FAM167A: variants seen among roughly 807,000 people sequenced by gnomAD.
FAM167A encodes protein FAM167A.
A neutral mutation model predicts 14.9 loss-of-function variants in FAM167A; 23 were observed. That is an observed-to-expected ratio of 1.55 (90% CI 1.11 to 2.19). The LOEUF is 2.19. Ranked by LOEUF, FAM167A falls within the 30% of genes most tolerant of loss-of-function variation. FAM167A has a pLI of 0.00. For missense variants in FAM167A, 401 were observed against 281.5 expected (o/e 1.42, Z -3.04); for synonymous variants, 174 against 117.7 (o/e 1.48, Z -3.10).
At chr8:11,438,182 C>G (rs1290927924) in intron 2 of FAM167A, 1 of 454,278 alleles carries the variant, frequency 2.2e-6, no homozygotes, top group Admixed American at 2.4e-5. Context: ...CCTCTCTCAG[C>G]CCCGGAATCG....
chr8:11,438,822 T>TGGGACGAGGAATTCTCTTG (rs1026835939), intron 2 of FAM167A, among the ~76,000 whole-genome samples: 3 of 152,246 alleles, frequency 2.0e-5, no homozygotes, highest in African/African-American at 7.2e-5. Flanking sequence ...GAACAGAGGC[T>TGGGACGAGGAATTCTCTTG]GGGACGAGGA....
intron 1 of FAM167A, among the ~76,000 whole-genome samples, chr8:11,447,322 C>A (rs1029576186): frequency 1.3e-5 from 2 of 152,116 alleles, no homozygotes; most frequent in African/African-American, 4.8e-5. Context: ...GCTGGGGTTA[C>A]AGGCAGCTGC....
At chr8:11,437,789 A>G (rs1275929038) in intron 2 of FAM167A, among the ~76,000 whole-genome samples, 9 of 152,206 alleles carry the variant, frequency 5.9e-5, no homozygotes, top group Admixed American at 5.9e-4. Flanking sequence ...AATTGAGTTT[A>G]TTATTATAGA....
chr8:11,435,225 G>A (rs527862212), intron 2 of FAM167A: 7 of 425,914 alleles, frequency 1.6e-5, no homozygotes, highest in Non-Finnish European at 2.9e-5. Flanking sequence ...TTCTCCACCT[G>A]TCACCCTTCA....
chr8:11,443,294 C>T (rs554019159), intron 2 of FAM167A, among the ~76,000 whole-genome samples: 65 of 152,360 alleles, frequency 4.3e-4, no homozygotes, highest in African/African-American at 1.4e-3. Context: ...TCACCATGCA[C>T]AAAAGATGCT....
At chr8:11,456,799 G>T (rs1439211230) in intron 1 of FAM167A, among the ~76,000 whole-genome samples, 1 of 149,016 alleles carries the variant, frequency 6.7e-6, no homozygotes, top group East Asian at 2.0e-4. Context: ...GCTAAGGGAA[G>T]TGAGTGGGGC....
chr8:11,471,783 C>G (rs914754665), upstream of FAM167A, among the ~76,000 whole-genome samples: 1 of 152,126 alleles, frequency 6.6e-6, no homozygotes, highest in African/African-American at 2.4e-5. Context: ...GACCTAGGGC[C>G]CAGGGATCTC....
In FAM167A at chr8:11,421,925, G is replaced by A. The variant is rs1342003053; in HGVS notation, c.*2448C>T. On this transcript the variant is annotated 3_prime_UTR_variant, in exon 3 of 3. Transcript: ENST00000284486. The stretch of plus-strand genomic sequence containing the variant: ...CAAAGCTGAATTAATGTGGTTAGTT[G>A]TGTTCACTGTGCAAAGTAAGGAAGC... 2.5e-6 allele frequency: 1 copy of A among 398,122 alleles called. No individual in the cohort carries two copies. The highest frequency in any genetic ancestry group is 2.1e-5 in the African/African-American group (1 of 48,606). 24.7% of individuals were successfully genotyped at this position (398,122 alleles called of 1,614,324 possible). A position where few individuals can be genotyped will look rare whatever the true frequency, so the allele number is the denominator to read the frequency against.
At chr8:11,471,857 G>A (rs969091677), upstream of FAM167A, among the ~76,000 whole-genome samples, 3 of 152,136 alleles carry the variant, frequency 2.0e-5, no homozygotes, top group Non-Finnish European at 4.4e-5. Flanking sequence ...TTTGGATGAA[G>A]GCTGCGCTCT....
At chr8:11,435,448 C>T (rs1035317798) in intron 2 of FAM167A, among the ~76,000 whole-genome samples, 3 of 152,242 alleles carry the variant, frequency 2.0e-5, no homozygotes, top group African/African-American at 7.2e-5. Context: ...TGCTCAAAAG[C>T]CATTTGTTAG....
intron 2 of FAM167A, among the ~76,000 whole-genome samples, chr8:11,434,561 G>C (rs1585241179): frequency 6.6e-6 from 1 of 152,188 alleles, no homozygotes. Context: ...GCCCTGCCGA[G>C]GACTCCACAG....
At chr8:11,447,549 T>G (rs1030897250) in intron 1 of FAM167A, among the ~76,000 whole-genome samples, 1 of 152,332 alleles carries the variant, frequency 6.6e-6, no homozygotes, top group South Asian at 2.1e-4. Flanking sequence ...AGTGTGCACA[T>G]CTGCCCATGT....
chr8:11,469,323 A>C (rs1022566126), upstream of FAM167A, among the ~76,000 whole-genome samples: 14 of 152,338 alleles, frequency 9.2e-5, no homozygotes, highest in African/African-American at 3.4e-4. Context: ...TGTAATGAGA[A>C]ACATCAAGAA....
chr8:11,442,057 C>T (rs1806473082), intron 2 of FAM167A, among the ~76,000 whole-genome samples: 1 of 152,198 alleles, frequency 6.6e-6, no homozygotes, highest in African/African-American at 2.4e-5. Flanking sequence ...TTCCCTTTAC[C>T]CTATGTACGA....
At chr8:11,454,370 G>A (rs778718405) in intron 1 of FAM167A, among the ~76,000 whole-genome samples, 1 of 152,232 alleles carries the variant, frequency 6.6e-6, no homozygotes, top group Non-Finnish European at 1.5e-5. Flanking sequence ...GTCAACACCT[G>A]TCTGGTGCAG....
At position 11,424,509 on chromosome 8, in the gene FAM167A, T is replaced by TCGTA. The variant is rs1804992671; in HGVS notation, c.505_508dup (p.Glu170ValfsTer8). On this transcript the variant is annotated frameshift_variant, in exon 3 of 3. Coordinates refer to ENST00000284486, the MANE Select transcript of FAM167A (RefSeq NM_053279.3). LOFTEE classifies it high-confidence loss of function. ...GGCCAGCTCATCCCGCTCCTCCAGC[T>TCGTA]CGTAGGTGGCATCGTTGAGCATCCT... 2 of 1,613,982 alleles carry TCGTA rather than the reference T, an allele frequency of 1.2e-6. No homozygotes were observed. Among genetic ancestry groups the TCGTA allele is most frequent in the Non-Finnish European group, 8.5e-7 (1 of 1,179,954 alleles).
intron 2 of FAM167A, among the ~76,000 whole-genome samples, chr8:11,430,217 C>G (rs1434202739): frequency 2.6e-5 from 4 of 152,364 alleles, no homozygotes; most frequent in Non-Finnish European, 5.9e-5. Context: ...GTAATCCCAG[C>G]AACCCCATAA....
At chr8:11,435,644 G>A (rs1329071857) in intron 2 of FAM167A, among the ~76,000 whole-genome samples, 4 of 152,156 alleles carry the variant, frequency 2.6e-5, no homozygotes, top group Non-Finnish European at 4.4e-5. Flanking sequence ...CCTGTGGAGA[G>A]GCAGCCAGTA....
chr8:11,467,601 C>T (rs1308744470), upstream of FAM167A: 2 of 152,380 alleles, frequency 1.3e-5, no homozygotes, highest in Non-Finnish European at 2.9e-5. Flanking sequence ...TCACGATAGC[C>T]CTGGGCGTGC....
Sources: allele counts gnomAD v4.1 joint callset (sites outside exome capture counted in the v4.1 genomes callset), GRCh38; gene constraint gnomAD v4.1.1; transcripts MANE v1.5; gene names NCBI Gene and HGNC (gene_info 2026-07-23, HGNC 2026-07-21).